PDE4C: variants seen among roughly 807,000 people sequenced by gnomAD.
The protein encoded by PDE4C is phosphodiesterase 4C.
Under a neutral mutation model 63.9 loss-of-function variants are expected in PDE4C, and 50 were observed. The ratio of observed to expected loss-of-function variants is 0.78; its 90% CI spans 0.62 to 0.99. The LOEUF is 0.99. Ranked by LOEUF, PDE4C falls within the 50% of genes least tolerant of loss-of-function variation. The probability of loss-of-function intolerance (pLI) is 0.00; values close to 1 mark genes in which losing one functional copy is unlikely to be tolerated. For missense variants in PDE4C, 777 were observed against 899.1 expected, an observed-to-expected ratio of 0.86 and a Z score of 1.74; for synonymous variants, 377 against 385.1, an observed-to-expected ratio of 0.98 and a Z score of 0.25.
At chr19:18,242,419 T>A (rs1028510890) in intron 1 of PDE4C, among the ~76,000 whole-genome samples, 6 of 128,436 alleles carry the variant, frequency 4.7e-5, no homozygotes, top group African/African-American at 1.2e-4. Flanking sequence ...GAGGCTGCAG[T>A]AAGCCGAGGT....
Position 18,220,259 on chromosome 19 carries a change from G to T in PDE4C, c.673C>A (p.Gln225Lys). 1 of 1,614,082 alleles carries T rather than the reference G, an allele frequency of 6.2e-7. No individual in the cohort carries two copies. The highest frequency in any genetic ancestry group is 8.5e-7 in the Non-Finnish European group (1 of 1,180,012). ...GTCCGGGAGATGTACTCGGACACCT[G>T]GTTCCCGGAGCGGCTGGTTTCGGAC... The change falls in exon 7 of 15, where the codon CAG becomes AAG. Residue 225 changes from glutamine (Q) to lysine (K), a missense_variant. By Grantham distance (53) the Gln-to-Lys change is moderately conservative. Transcript: ENST00000262805. This position sits in a 1 kb window ranked among gnomAD's most constrained non-coding sequence, Gnocchi z 5.1.
the PDE4C span, chr19:18,255,244 C>T: frequency 5.0e-6 from 2 of 398,768 alleles, no homozygotes; most frequent in East Asian, 3.6e-5. The surrounding 1 kb of genome is among the most constrained non-coding windows in gnomAD (Gnocchi z 4.6). Flanking sequence ...TTGTAATTCA[C>T]ACCAGCTTTC....
chr19:18,233,951 G>T (rs867428798), upstream of PDE4C, among the ~76,000 whole-genome samples: 12 of 152,334 alleles, frequency 7.9e-5, no homozygotes, highest in Middle Eastern at 3.4e-3. Flanking sequence ...CCCAGAAGGG[G>T]TCTCTTTGGA....
At chr19:18,249,206 C>A (rs1969193611), upstream of PDE4C, among the ~76,000 whole-genome samples, 1 of 152,014 alleles carries the variant, frequency 6.6e-6, no homozygotes, top group African/African-American at 2.4e-5. Context: ...CAAGCTCAAG[C>A]AATTCACCCA....
intron 1 of PDE4C, among the ~76,000 whole-genome samples, chr19:18,247,109 G>A (rs1969147091): frequency 6.6e-6 from 1 of 152,162 alleles, no homozygotes; most frequent in Admixed American, 6.5e-5. Context: ...TCAGGCCCGG[G>A]GGCAGCCAGG....
exon 8 of PDE4C, chr19:18,219,321 T>C: frequency 6.2e-7 from 1 of 1,614,146 alleles, no homozygotes; most frequent in Non-Finnish European, 8.5e-7. Context: ...AGAGCCCATG[T>C]AGGCCACTGA....
chr19:18,224,079 G>A (rs1038847532), intron 1 of PDE4C, among the ~76,000 whole-genome samples: 1 of 152,176 alleles, frequency 6.6e-6, no homozygotes, highest in Non-Finnish European at 1.5e-5. Context: ...CTTTGCACAG[G>A]CCGTGCTTTC....
exon 14 of PDE4C, chr19:18,211,763 G>A: frequency 6.2e-7 from 1 of 1,614,188 alleles, no homozygotes; most frequent in Non-Finnish European, 8.5e-7. Flanking sequence ...GCCAACCTGG[G>A]ACTTCTCCAC....
At chr19:18,226,136 A>G in intron 1 of PDE4C, 134 bp downstream of exon 1, 1 of 669,254 alleles carries the variant, frequency 1.5e-6, no homozygotes, top group Non-Finnish European at 2.6e-6. Context: ...AGAGAAAGCG[A>G]GGGAGAGGCA....
intron 2 of PDE4C, 47 bp from the exon 3 acceptor site, chr19:18,221,344 C>G: frequency 1.3e-6 from 2 of 1,528,718 alleles, no homozygotes; most frequent in Admixed American, 4.5e-5. Context: ...CATCTTCCAG[C>G]TTTTTACCCA....
intron 1 of PDE4C, among the ~76,000 whole-genome samples, chr19:18,247,761 C>T (rs191971609): frequency 1.2e-4 from 18 of 152,288 alleles, no homozygotes; most frequent in Admixed American, 6.5e-4. Flanking sequence ...GACCTCCAGA[C>T]CACTGGGAGC....
At chr19:18,217,490 G>T (rs1022763208) in intron 11 of PDE4C, among the ~76,000 whole-genome samples, 17 of 152,016 alleles carry the variant, frequency 1.1e-4, no homozygotes, top group Non-Finnish European at 2.4e-4. Flanking sequence ...CCTTTTGAGT[G>T]AGGGGCCTCC....
Position 18,222,112 on chromosome 19 carries a change from C to T in PDE4C, c.338+20G>A, listed in dbSNP as rs891391029. ...GGAGGGAGGGTAGAGGCGGTGTCAT[C>T]CCACCAGCCCCAGACTCACAGGTCG... On this transcript the variant is annotated intron_variant, in intron 2 of 14. Transcript: ENST00000262805. 1 of 1,590,138 alleles carries T rather than the reference C, an allele frequency of 6.3e-7. No homozygotes were observed. The highest frequency in any genetic ancestry group is 8.6e-7 in the Non-Finnish European group (1 of 1,161,524).
At chr19:18,252,002 C>T (rs1194559618), upstream of PDE4C, 6 of 398,390 alleles carry the variant, frequency 1.5e-5, no homozygotes, top group Non-Finnish European at 2.7e-5. Context: ...TGGTCAGTTC[C>T]AAAACTGCAG....
At chr19:18,214,093 C>T (rs1412282946) in intron 12 of PDE4C, among the ~76,000 whole-genome samples, 2 of 152,048 alleles carry the variant, frequency 1.3e-5, no homozygotes, top group Admixed American at 6.6e-5. Flanking sequence ...CCCGTCTCTA[C>T]TAAAAATACA....
chr19:18,246,573 G>A (rs372488088), intron 1 of PDE4C, among the ~76,000 whole-genome samples: 14 of 152,122 alleles, frequency 9.2e-5, no homozygotes, highest in African/African-American at 2.2e-4. Flanking sequence ...TAGGAGACCC[G>A]AGGCTCACCC....
intron 1 of PDE4C, among the ~76,000 whole-genome samples, chr19:18,232,014 A>T (rs954725514): frequency 6.6e-6 from 1 of 152,012 alleles, no homozygotes; most frequent in African/African-American, 2.4e-5. Flanking sequence ...AGGTAGCAAG[A>T]GAAGACTCCT....
At chr19:18,233,955 C>T (rs1968904154), upstream of PDE4C, among the ~76,000 whole-genome samples, 1 of 152,206 alleles carries the variant, frequency 6.6e-6, no homozygotes, top group South Asian at 2.1e-4. Context: ...GAAGGGGTCT[C>T]TTTGGAGCCC....
At chr19:18,247,286 CTAAG>C (rs1969149090) in intron 1 of PDE4C, among the ~76,000 whole-genome samples, 1 of 151,984 alleles carries the variant, frequency 6.6e-6, no homozygotes, top group East Asian at 1.9e-4. Context: ...CCGAGCAGCT[CTAAG>C]TGTTTCTTTT....
Sources: allele counts gnomAD v4.1 joint callset (sites outside exome capture counted in the v4.1 genomes callset), GRCh38; gene constraint gnomAD v4.1.1; non-coding constraint Gnocchi (gnomAD v3.1); transcripts MANE v1.5; gene names NCBI Gene and HGNC (gene_info 2026-07-23, HGNC 2026-07-21).